Variants in PCSK5 observed in about 807,000 individuals in gnomAD.
PCSK5 encodes proprotein convertase subtilisin/kexin type 5.
A neutral mutation model predicts 233.2 loss-of-function variants in PCSK5; 129 were observed. That is an observed-to-expected ratio of 0.55 (90% CI 0.48 to 0.64). PCSK5 has a LOEUF of 0.64. Among genes scored for constraint, PCSK5 ranks in the 30% least tolerant of loss-of-function variants. PCSK5 has a pLI of 0.00. For synonymous variants in PCSK5, 825 were observed against 879.2 expected (o/e 0.94, Z 1.09); for missense variants, 2,076 against 2,430.1 (o/e 0.85, Z 3.06).
chr9:76,052,708 C>A (rs1762872789), intron 5 of PCSK5, among the ~76,000 whole-genome samples: 1 of 152,154 alleles, frequency 6.6e-6, no homozygotes, highest in Non-Finnish European at 1.5e-5. Context: ...TTATGCCTTC[C>A]CAGCAGTCCT....
intron 1 of PCSK5, among the ~76,000 whole-genome samples, chr9:75,908,923 C>CTA (rs56869552): frequency 0.096 from 10,578 of 110,148 alleles, 546 homozygotes; most frequent in African/African-American, 0.18. Flanking sequence ...ATCTATCTAT[C>CTA]TCTCTATCTC....
At chr9:75,900,044 G>T (rs896612118) in intron 1 of PCSK5, among the ~76,000 whole-genome samples, 3 of 152,164 alleles carry the variant, frequency 2.0e-5, no homozygotes, top group African/African-American at 7.2e-5. Context: ...AGGTTGTGGG[G>T]CAGTAGAGAA....
At chr9:76,278,560 C>T (rs10121296) in intron 24 of PCSK5, among the ~76,000 whole-genome samples, 19,238 of 151,794 alleles carry the variant, frequency 0.13, 1,641 homozygotes, top group African/African-American at 0.25. Context: ...TTTGTTTTAA[C>T]CAATTCTGTA....
At chr9:76,166,622 G>A (rs1445453164) in intron 12 of PCSK5, among the ~76,000 whole-genome samples, 1 of 152,204 alleles carries the variant, frequency 6.6e-6, no homozygotes, top group Non-Finnish European at 1.5e-5. Context: ...GAGGCAATGA[G>A]CCAAGTGTTC....
At chr9:76,037,620 C>T (rs1464291040) in intron 5 of PCSK5, among the ~76,000 whole-genome samples, 1 of 152,028 alleles carries the variant, frequency 6.6e-6, no homozygotes, top group Admixed American at 6.6e-5. Context: ...TGCACTTAAG[C>T]GACAACCTTT....
intron 10 of PCSK5, among the ~76,000 whole-genome samples, chr9:76,153,006 A>C (rs905300715): frequency 6.6e-6 from 1 of 152,154 alleles, no homozygotes; most frequent in African/African-American, 2.4e-5. Context: ...AAGCCTTTGG[A>C]TAGCTTTGAA....
chr9:76,096,938 A>T (rs1359227834), intron 8 of PCSK5, among the ~76,000 whole-genome samples: 40 of 135,282 alleles, frequency 3.0e-4, no homozygotes, highest in South Asian at 9.4e-4. Flanking sequence ...TTTATTTTTT[A>T]TTTTTTTTTT....
chr9:76,084,802 T>C (rs1480184390), intron 7 of PCSK5, among the ~76,000 whole-genome samples: 1 of 152,190 alleles, frequency 6.6e-6, no homozygotes, highest in African/African-American at 2.4e-5. Context: ...AACCACTATG[T>C]AACAAACAAG....
rs1015382429 is a variant in PCSK5 at position 76,296,928 on chromosome 9, A to G, written c.3523+63A>G. ...CGACCTACTCTGCTTCCCTCCTTCT[A>G]TAACTCTGGTTTTTTTAGTTATCCA... On this transcript the variant is annotated intron_variant, in intron 27 of 37. Coordinates refer to ENST00000674117, the MANE Select transcript of PCSK5 (RefSeq NM_001372043.1). 1.5e-5 allele frequency: 16 copies of G among 1,071,280 alleles called. 1 individual carries two copies. Among genetic ancestry groups the G allele is most frequent in the African/African-American group, 1.4e-4 (9 of 63,280 alleles). The allele number at this position is 1,071,280 out of a possible 1,614,324, so 66.4% of individuals were successfully genotyped here.
At chr9:76,193,122 T>G in intron 20 of PCSK5, 1 of 823,388 alleles carries the variant, frequency 1.2e-6, no homozygotes, top group Non-Finnish European at 1.9e-6. Flanking sequence ...TCCTGAATGA[T>G]CTCTTCCAAT....
intron 8 of PCSK5, 81 bp downstream of exon 8, chr9:76,096,183 A>ATG: frequency 1.4e-6 from 1 of 709,060 alleles, no homozygotes; most frequent in Non-Finnish European, 2.4e-6. Context: ...ATAAACATAT[A>ATG]TATATATACA....
chr9:76,109,665 A>C (rs1241792047), intron 9 of PCSK5, among the ~76,000 whole-genome samples: 1 of 152,064 alleles, frequency 6.6e-6, no homozygotes, highest in Non-Finnish European at 1.5e-5. Flanking sequence ...GGCTACCTGG[A>C]AAATGCACTG....
chr9:76,161,631 C>G (rs1481906066), intron 12 of PCSK5, among the ~76,000 whole-genome samples: 1 of 152,134 alleles, frequency 6.6e-6, no homozygotes, highest in Non-Finnish European at 1.5e-5. Context: ...TTCAGCCTGT[C>G]TGGGCTCTTC....
chr9:76,265,799 C>T (rs1473376855), intron 24 of PCSK5, among the ~76,000 whole-genome samples: 1 of 152,114 alleles, frequency 6.6e-6, no homozygotes, highest in Non-Finnish European at 1.5e-5. Flanking sequence ...TGACCACCTT[C>T]TAAAGCAAAT....
chr9:76,189,401 C>T (rs1824257548), intron 19 of PCSK5, among the ~76,000 whole-genome samples, 178 bp downstream of exon 19: 1 of 152,176 alleles, frequency 6.6e-6, no homozygotes, highest in Non-Finnish European at 1.5e-5. Flanking sequence ...TATTCCTTTG[C>T]CTCAGGGGCA....
intron 5 of PCSK5, among the ~76,000 whole-genome samples, chr9:76,032,842 TAA>T (rs779069226): frequency 6.6e-6 from 1 of 152,212 alleles, no homozygotes; most frequent in Non-Finnish European, 1.5e-5. Flanking sequence ...GTTCTCTGCT[TAA>T]AAGTCACAGC....
At chr9:76,163,756 C>T (rs1822967843) in intron 12 of PCSK5, among the ~76,000 whole-genome samples, 1 of 152,132 alleles carries the variant, frequency 6.6e-6, no homozygotes, top group South Asian at 2.1e-4. Context: ...AGCCTATATA[C>T]TATGACACAT....
At chr9:75,931,327 A>G (rs1382310477) in intron 1 of PCSK5, among the ~76,000 whole-genome samples, 1 of 147,242 alleles carries the variant, frequency 6.8e-6, no homozygotes, top group Non-Finnish European at 1.5e-5. Context: ...GATGATAGTT[A>G]TTATTTTAGG....
At chr9:75,965,287 G>A (rs1358940808) in intron 2 of PCSK5, among the ~76,000 whole-genome samples, 1 of 132,146 alleles carries the variant, frequency 7.6e-6, no homozygotes, top group Non-Finnish European at 1.7e-5. Context: ...GTGTGTGTGT[G>A]TGTGGAGAGA....
Sources: gnomAD v4.1 joint callset for allele counts (sites outside exome capture counted in the v4.1 genomes callset) on GRCh38, gnomAD v4.1.1 for gene constraint, MANE v1.5 for transcripts, NCBI Gene and HGNC (gene_info 2026-07-23, HGNC 2026-07-21) for gene names.